SMIM35: variants seen among roughly 807,000 people sequenced by gnomAD.
SMIM35 encodes the protein small integral membrane protein 35.
chr11:118,082,566 A>G (rs200674548), intron 1 of SMIM35, among the ~76,000 whole-genome samples: 12 of 150,282 alleles, frequency 8.0e-5, no homozygotes, highest in South Asian at 6.3e-4. Flanking sequence ...GTCTCAAAAA[A>G]AAAGAAAGAA....
chr11:118,030,041 T>A (rs183015766), intron 1 of SMIM35, among the ~76,000 whole-genome samples: 3,137 of 142,960 alleles, frequency 0.022, 57 homozygotes, highest in African/African-American at 0.048. Flanking sequence ...GGGATATAAC[T>A]TTTTTTTTTT....
At chr11:118,079,876 G>T (rs1403972696) in intron 1 of SMIM35, among the ~76,000 whole-genome samples, 1 of 152,194 alleles carries the variant, frequency 6.6e-6, no homozygotes, top group Non-Finnish European at 1.5e-5. Context: ...TAGGCTCTGA[G>T]GTGGTAAACT....
At chr11:118,014,846 G>A (rs1273913455) in intron 2 of SMIM35, 105 bp from the exon 3 acceptor site, 6 of 397,428 alleles carry the variant, frequency 1.5e-5, no homozygotes, top group African/African-American at 4.1e-5. Flanking sequence ...GGAGGAGTAG[G>A]GTGGCTGGGC....
At chr11:118,067,122 T>C (rs752699801) in intron 1 of SMIM35, 9 of 151,902 alleles carry the variant, frequency 5.9e-5, no homozygotes, top group Middle Eastern at 3.4e-3. Flanking sequence ...TGTGTAAACA[T>C]GTCACAATAT....
intron 1 of SMIM35, among the ~76,000 whole-genome samples, chr11:118,033,913 G>C (rs1056781834): frequency 1.3e-5 from 2 of 152,176 alleles, no homozygotes; most frequent in African/African-American, 4.8e-5. Flanking sequence ...CCGAAACCCA[G>C]TTCATTTGTC....
intron 1 of SMIM35, among the ~76,000 whole-genome samples, chr11:118,085,618 G>A (rs1168038310): frequency 6.6e-6 from 1 of 152,182 alleles, no homozygotes; most frequent in African/African-American, 2.4e-5. Flanking sequence ...CTCCATGGAT[G>A]GCAGGTCCTC....
chr11:118,019,239 A>G (rs1240458192), intron 1 of SMIM35, among the ~76,000 whole-genome samples: 1 of 152,196 alleles, frequency 6.6e-6, no homozygotes, highest in African/African-American at 2.4e-5. Context: ...TTACTTTCCT[A>G]CTTTCATAAC....
At chr11:118,015,063 C>T (rs2058172518) in intron 2 of SMIM35, among the ~76,000 whole-genome samples, 1 of 152,200 alleles carries the variant, frequency 6.6e-6, no homozygotes, top group East Asian at 1.9e-4. Flanking sequence ...ATGTCTTCCT[C>T]ATGTGGAATT....
At chr11:118,072,370 C>A (rs915624246) in intron 1 of SMIM35, among the ~76,000 whole-genome samples, 1 of 152,178 alleles carries the variant, frequency 6.6e-6, no homozygotes, top group Non-Finnish European at 1.5e-5. Flanking sequence ...GACCTGTAAT[C>A]CCAGCTACTC....
chr11:118,059,701 C>T (rs771614939), intron 1 of SMIM35, among the ~76,000 whole-genome samples: 1 of 152,204 alleles, frequency 6.6e-6, no homozygotes, highest in Non-Finnish European at 1.5e-5. Flanking sequence ...ATAGCTCTAC[C>T]TCCATTCATT....
At chr11:118,037,580 G>A (rs540873532) in intron 1 of SMIM35, among the ~76,000 whole-genome samples, 1 of 152,300 alleles carries the variant, frequency 6.6e-6, no homozygotes, top group South Asian at 2.1e-4. Flanking sequence ...TTCCCCTAAA[G>A]ATAAACAAGT....
chr11:118,080,916 C>A (rs1463299819), intron 1 of SMIM35, among the ~76,000 whole-genome samples: 1 of 152,196 alleles, frequency 6.6e-6, no homozygotes, highest in African/African-American at 2.4e-5. Flanking sequence ...AGTTCCCAAG[C>A]AAGGATTCCC....
In SMIM35 at chr11:118,003,867, T is replaced by C. The variant is rs2058109459; in HGVS notation, c.*2543A>G. 6.6e-6 allele frequency: 1 copy of C among 152,006 alleles called. No homozygotes were observed. The highest frequency in any genetic ancestry group is 1.5e-5 in the Non-Finnish European group (1 of 68,008). The allele number at this position is 152,006 out of a possible 1,614,324, so 9.4% of individuals were successfully genotyped here. A position where few individuals can be genotyped will look rare whatever the true frequency, so the allele number is the denominator to read the frequency against. ...ATGTGAAAGAAACTAGTATTCCACA[T>C]GAAGGATGAGGCAGGAGGCAGAGAA... is the stretch of plus-strand genomic sequence containing the variant. On this transcript the variant is annotated 3_prime_UTR_variant, in exon 5 of 5. Coordinates refer to ENST00000689828, the MANE Select transcript of SMIM35 (RefSeq NM_001394165.1).
intron 1 of SMIM35, among the ~76,000 whole-genome samples, chr11:118,057,323 A>G (rs566837827): frequency 2.0e-5 from 3 of 152,330 alleles, no homozygotes; most frequent in African/African-American, 7.2e-5. Flanking sequence ...GACATGAGGC[A>G]TTCCTATCTG....
At chr11:118,072,514 T>C (rs1037727150) in intron 1 of SMIM35, among the ~76,000 whole-genome samples, 23 of 152,088 alleles carry the variant, frequency 1.5e-4, no homozygotes, top group African/African-American at 5.3e-4. Flanking sequence ...GCAATTGATA[T>C]ATCATCCTAC....
chr11:118,042,951 CT>C (rs1245573182), intron 1 of SMIM35, among the ~76,000 whole-genome samples: 2 of 152,210 alleles, frequency 1.3e-5, no homozygotes, highest in African/African-American at 4.8e-5. Context: ...ATCAAACACT[CT>C]TTCATGATAA....
At chr11:118,029,097 A>T in intron 1 of SMIM35, 1 of 287,512 alleles carries the variant, frequency 3.5e-6, no homozygotes, top group Middle Eastern at 7.9e-4. Flanking sequence ...TGGCAATCAC[A>T]CGCTTGAAGT....
intron 1 of SMIM35, among the ~76,000 whole-genome samples, chr11:118,047,333 T>G (rs1438098021): frequency 6.6e-6 from 1 of 152,212 alleles, no homozygotes; most frequent in Non-Finnish European, 1.5e-5. Context: ...ACACTTGTTG[T>G]GTGTCTGAAA....
chr11:118,059,875 C>T (rs987243549), intron 1 of SMIM35, among the ~76,000 whole-genome samples: 19 of 152,240 alleles, frequency 1.2e-4, no homozygotes, highest in Non-Finnish European at 2.6e-4. Flanking sequence ...CCCACGCCGG[C>T]CTAGGGATCA....
Sources: allele counts gnomAD v4.1 joint callset (sites outside exome capture counted in the v4.1 genomes callset), GRCh38; gene constraint gnomAD v4.1.1; transcripts MANE v1.5; gene names NCBI Gene and HGNC (gene_info 2026-07-23, HGNC 2026-07-21).